AAK1: variants seen among roughly 807,000 people sequenced by gnomAD.
AAK1 encodes AP2 associated kinase 1, also known as AP2-associated protein kinase 1.
In AAK1, 37 loss-of-function variants were observed where a neutral mutation model predicts 116.0. That is an observed-to-expected ratio of 0.32 (90% confidence interval 0.25 to 0.42). The LOEUF is 0.42. Ranked by LOEUF, AAK1 falls within the 10% of genes least tolerant of loss-of-function variation. The pLI, the probability that AAK1 is intolerant of heterozygous loss-of-function variation, is 1.00. For synonymous variants in AAK1, 458 were observed against 439.9 expected (o/e 1.04, Z -0.51); for missense variants, 919 against 1,170.6 (o/e 0.79, Z 3.14).
rs1255791064 is a variant in AAK1 at position 69,462,235 on chromosome 2, G to A, written c.*13634C>T. On this transcript the variant is annotated 3_prime_UTR_variant, in exon 22 of 22. Transcript: ENST00000409085. ...GACTGTTGTGGGGTGGGGGGAGGGG[G>A]GCGGGATAGCATTAGGAGATATACC... 1 of 115,366 alleles carries A rather than the reference G, an allele frequency of 8.7e-6. No individual in the cohort carries two copies. Among genetic ancestry groups the A allele is most frequent in the Non-Finnish European group, 1.8e-5 (1 of 56,726 alleles). The allele number at this position is 115,366 out of a possible 1,614,324, so 7.1% of individuals were successfully genotyped here.
Position 69,520,903 on chromosome 2 carries a change from T to A in AAK1, c.1141A>T (p.Ile381Phe). The A allele has an allele frequency of 1.9e-6, 3 of 1,609,474 alleles. No individual in the cohort carries two copies. Among genetic ancestry groups the A allele is most frequent in the Non-Finnish European group, 2.5e-6 (3 of 1,177,532 alleles). The change falls in exon 11 of 22, where the codon ATC becomes TTC. Residue 381 changes from isoleucine to phenylalanine, a missense_variant. Coordinates refer to ENST00000409085, the MANE Select transcript of AAK1 (RefSeq NM_014911.5). ...KAGQTQPNPG[I>F]LPIQPALTPR... ...GTCAGCGCTGGCTGGATGGGAAGGATTCCTGGGTTCGGCTGAGTCTGCCCA... is the reference window on the plus strand; with the variant it reads ...GTCAGCGCTGGCTGGATGGGAAGGAATCCTGGGTTCGGCTGAGTCTGCCCA...
At chr2:69,477,578 A>G (rs900557286) in intron 20 of AAK1, among the ~76,000 whole-genome samples, 1 of 151,504 alleles carries the variant, frequency 6.6e-6, no homozygotes, top group Non-Finnish European at 1.5e-5. Context: ...AGTTTGTTAG[A>G]ATAGTCTTCT....
At chr2:69,522,037 C>T (rs1166442362) in intron 10 of AAK1, among the ~76,000 whole-genome samples, 4 of 152,160 alleles carry the variant, frequency 2.6e-5, no homozygotes, top group African/African-American at 7.2e-5. Context: ...ACAGCCAGAT[C>T]GACACTTTCA....
chr2:69,547,988 G>A (rs1670999200), intron 3 of AAK1, among the ~76,000 whole-genome samples: 1 of 152,128 alleles, frequency 6.6e-6, no homozygotes, highest in African/African-American at 2.4e-5. Context: ...TATGCTAAGT[G>A]AAAACAGACA....
intron 2 of AAK1, among the ~76,000 whole-genome samples, chr2:69,633,042 A>T (rs185017996): frequency 0.028 from 4,268 of 151,432 alleles, 198 homozygotes; most frequent in African/African-American, 0.098. Context: ...CAATAAAAAA[A>T]ATAAATAAAA....
chr2:69,638,024 C>T (rs1675525830), intron 2 of AAK1, among the ~76,000 whole-genome samples: 1 of 152,186 alleles, frequency 6.6e-6, no homozygotes, highest in Non-Finnish European at 1.5e-5. Context: ...CTATATTTAG[C>T]AAAGCTACAA....
At position 69,468,673 on chromosome 2, in the gene AAK1, A is replaced by G. The variant is rs1373689658; in HGVS notation, c.*7196T>C. The G allele has an allele frequency of 1.0e-6, 1 of 985,426 alleles. No homozygotes were observed. Among genetic ancestry groups the G allele is most frequent in the Non-Finnish European group, 1.2e-6 (1 of 829,926 alleles). The allele number at this position is 985,426 out of a possible 1,614,324, so 61.0% of individuals were successfully genotyped here. On this transcript the variant is annotated 3_prime_UTR_variant, in exon 22 of 22. Coordinates refer to ENST00000409085, the MANE Select transcript of AAK1 (RefSeq NM_014911.5). ...ATTTAAACTGAATTCAGTTAAAACA[A>G]TTTGTGCACAGAGACTGGCAAAAAA... is the stretch of plus-strand genomic sequence containing the variant.
chr2:69,524,767 T>C (rs1278048702), intron 10 of AAK1, among the ~76,000 whole-genome samples: 1 of 152,172 alleles, frequency 6.6e-6, no homozygotes, highest in Non-Finnish European at 1.5e-5. Context: ...TGTTGCCTCA[T>C]CTCTGAATGC....
At chr2:69,600,055 TACAGGCATGAG>T (rs1673499767) in intron 2 of AAK1, among the ~76,000 whole-genome samples, 2 of 152,042 alleles carry the variant, frequency 1.3e-5, no homozygotes, top group Non-Finnish European at 2.9e-5. Context: ...GTGCTAGAAT[TACAGGCATGAG>T]CCACTGTGTC....
Position 69,465,277 on chromosome 2 carries a change from TTTG to T in AAK1, c.*10589_*10591del. The T allele has an allele frequency of 1.5e-6, 1 of 651,700 alleles. No individual in the cohort carries two copies. Among genetic ancestry groups the T allele is most frequent in the Non-Finnish European group, 2.2e-6 (1 of 455,400 alleles). 40.4% of individuals were successfully genotyped at this position (651,700 alleles called of 1,614,324 possible). ...TCAACTAAATATCACTGCAACTGAG[TTTG>T]TTGACTCAAGAAATTCTGCTCTGAC... On this transcript the variant is annotated 3_prime_UTR_variant, in exon 22 of 22. Coordinates refer to ENST00000409085, the MANE Select transcript of AAK1 (RefSeq NM_014911.5).
At chr2:69,522,994 G>T (rs1394565570) in intron 10 of AAK1, among the ~76,000 whole-genome samples, 1 of 152,070 alleles carries the variant, frequency 6.6e-6, no homozygotes, top group Non-Finnish European at 1.5e-5. Flanking sequence ...TGTGATAATG[G>T]GTATGTCACT....
chr2:69,597,885 C>T (rs1673370176), intron 2 of AAK1: 1 of 196,166 alleles, frequency 5.1e-6, no homozygotes, highest in African/African-American at 2.3e-5. Flanking sequence ...AATCAACCAA[C>T]TAACCAACCA....
At chr2:69,591,608 C>T (rs1419596739) in intron 2 of AAK1, among the ~76,000 whole-genome samples, 1 of 144,336 alleles carries the variant, frequency 6.9e-6, no homozygotes, top group African/African-American at 2.7e-5. Context: ...GCAACCTCTG[C>T]CTCCCAGGCT....
In AAK1 at chr2:69,465,251, T is replaced by C. The variant is rs1674449320; in HGVS notation, c.*10618A>G. 1 of 457,560 alleles carries C rather than the reference T, an allele frequency of 2.2e-6. No homozygotes were observed. The highest frequency in any genetic ancestry group is 2.1e-5 in the African/African-American group (1 of 48,544). The allele number at this position is 457,560 out of a possible 1,614,324, so 28.3% of individuals were successfully genotyped here. A position where few individuals can be genotyped will look rare whatever the true frequency, so the allele number is the denominator to read the frequency against. ...AAAAATGAACATAACTTAAAGGGGC[T>C]TCAACTAAATATCACTGCAACTGAG... On this transcript the variant is annotated 3_prime_UTR_variant, in exon 22 of 22. Coordinates refer to ENST00000409085, the MANE Select transcript of AAK1 (RefSeq NM_014911.5).
rs1674670744 is a variant in AAK1 at position 69,471,378 on chromosome 2, C to T, written c.*4491G>A. 7 of 985,268 alleles carry T rather than the reference C, an allele frequency of 7.1e-6. No homozygotes were observed. The highest frequency in any genetic ancestry group is 7.2e-6 in the Non-Finnish European group (6 of 829,926). 61.0% of individuals were successfully genotyped at this position (985,268 alleles called of 1,614,324 possible). On this transcript the variant is annotated 3_prime_UTR_variant, in exon 22 of 22. Transcript: ENST00000409085. ...TCTGATTTAAGAAATCTAAGCACAT[C>T]CAACTTCAGAAACATTACTAATGTG...
At chr2:69,643,409 G>A in intron 1 of AAK1, 135 bp from the exon 2 acceptor site, 2 of 1,173,160 alleles carry the variant, frequency 1.7e-6, no homozygotes, top group Non-Finnish European at 2.1e-6. Flanking sequence ...AAAACCGTGG[G>A]GCTGAAAACG....
At chr2:69,478,713 C>T (rs1674962208) in intron 20 of AAK1, 1 of 391,140 alleles carries the variant, frequency 2.6e-6, no homozygotes. Flanking sequence ...CTCAGCCTCC[C>T]AAAGTGCTGG....
At chr2:69,500,884 T>A (rs1448770580) in intron 16 of AAK1, among the ~76,000 whole-genome samples, 1 of 150,802 alleles carries the variant, frequency 6.6e-6, no homozygotes, top group African/African-American at 2.4e-5. Context: ...GTTGGTAGGG[T>A]GAGTAGATGG....
chr2:69,570,475 C>G (rs1672050687), intron 2 of AAK1, among the ~76,000 whole-genome samples: 1 of 151,932 alleles, frequency 6.6e-6, no homozygotes, highest in Admixed American at 6.6e-5. Context: ...ACTAGACAGA[C>G]AAGGCAAAGA....
Sources: gnomAD v4.1 joint callset for allele counts (sites outside exome capture counted in the v4.1 genomes callset) on GRCh38, gnomAD v4.1.1 for gene constraint, MANE v1.5 for transcripts, NCBI Gene and HGNC (gene_info 2026-07-23, HGNC 2026-07-21) for gene names.